RORA: variants seen among roughly 807,000 people sequenced by gnomAD.
The protein encoded by RORA is nuclear receptor ROR-alpha.
In RORA, 7 loss-of-function variants were observed where a neutral mutation model predicts 69.5. The observed-to-expected ratio is 0.10, with a 90% confidence interval of 0.06 to 0.19. RORA has a LOEUF of 0.19. Among genes scored for constraint, RORA ranks in the 10% least tolerant of loss-of-function variants. RORA has a pLI of 1.00. For missense variants in RORA, 457 were observed against 663.0 expected, an observed-to-expected ratio of 0.69 and a Z score of 3.41; for synonymous variants, 261 against 240.8, an observed-to-expected ratio of 1.08 and a Z score of -0.78.
intron 3 of RORA, among the ~76,000 whole-genome samples, chr15:60,516,117 ATATAT>A (rs1378837875): frequency 2.7e-5 from 2 of 74,032 alleles, no homozygotes; most frequent in African/African-American, 5.2e-5. Flanking sequence ...ATTATATTAT[ATATAT>A]TATATTAAAT....
chr15:60,866,152 C>T (rs1229410009), intron 1 of RORA, among the ~76,000 whole-genome samples: 1 of 152,134 alleles, frequency 6.6e-6, no homozygotes, highest in Non-Finnish European at 1.5e-5. Flanking sequence ...CCTATTCCTT[C>T]TATCTAACTG....
chr15:61,197,591 T>C (rs1159036042), intron 1 of RORA, among the ~76,000 whole-genome samples: 1 of 152,180 alleles, frequency 6.6e-6, no homozygotes, highest in Non-Finnish European at 1.5e-5. Context: ...ACTCTGTAGG[T>C]AACCTCTCAT....
intron 1 of RORA, among the ~76,000 whole-genome samples, chr15:60,947,019 G>A (rs995574639): frequency 2.2e-5 from 3 of 136,030 alleles, no homozygotes; most frequent in Non-Finnish European, 3.3e-5. Context: ...AGGGAGGTGG[G>A]GGGCCAGCCC....
intron 1 of RORA, among the ~76,000 whole-genome samples, chr15:60,780,153 TC>T (rs1371388212): frequency 6.6e-6 from 1 of 152,184 alleles, no homozygotes; most frequent in Non-Finnish European, 1.5e-5. Context: ...GAATTTTCTT[TC>T]TTTTTTGCCA....
rs144131644 is a variant in RORA, at chr15:60,526,108, C to T, written c.282+5658G>A. ...TAGAAAGAGCAGGCGGCCTCATTCACGAAAGTTAGCTGGTCCAGCCCTATA... is the reference window on the plus strand; with the variant it reads ...TAGAAAGAGCAGGCGGCCTCATTCATGAAAGTTAGCTGGTCCAGCCCTATA... On this transcript the variant is annotated intron_variant, in intron 3 of 10. Transcript: ENST00000335670. Among the ~76,000 whole-genome samples, 660 of 152,246 alleles carry T rather than the reference C, an allele frequency of 4.3e-3. 4 individuals are homozygous for T. The highest frequency in any genetic ancestry group is 0.015 in the African/African-American group (630 of 41,526).
At chr15:60,664,009 G>A (rs999402700) in intron 2 of RORA, among the ~76,000 whole-genome samples, 1 of 152,162 alleles carries the variant, frequency 6.6e-6, no homozygotes, top group African/African-American at 2.4e-5. Context: ...TGGTCATTTT[G>A]TTCATTAGAA....
chr15:60,827,322 G>T (rs767048952), intron 1 of RORA, among the ~76,000 whole-genome samples: 1 of 152,178 alleles, frequency 6.6e-6, no homozygotes, highest in Non-Finnish European at 1.5e-5. Flanking sequence ...CAAACAATGC[G>T]TTAGCTCGTG....
chr15:60,980,657 G>A (rs1269251913), intron 1 of RORA, among the ~76,000 whole-genome samples: 2 of 151,984 alleles, frequency 1.3e-5, no homozygotes, highest in Admixed American at 6.5e-5. Context: ...TATCCAGTTT[G>A]CTGGTATATA....
intron 1 of RORA, among the ~76,000 whole-genome samples, chr15:60,978,265 T>C (rs1893935140): frequency 6.6e-6 from 1 of 152,244 alleles, no homozygotes; most frequent in East Asian, 1.9e-4. Context: ...ATAATTTTCA[T>C]GTGTTCTTTC....
At chr15:61,054,911 C>T (rs764421725) in intron 1 of RORA, among the ~76,000 whole-genome samples, 10 of 151,390 alleles carry the variant, frequency 6.6e-5, no homozygotes, top group African/African-American at 1.5e-4. Flanking sequence ...ATCACGGCTC[C>T]GTGTAGCTTC....
At chr15:60,500,880 A>G (rs2065310754) in intron 9 of RORA, 79 bp downstream of exon 9, 2 of 764,212 alleles carry the variant, frequency 2.6e-6, no homozygotes, top group Admixed American at 2.4e-5. Context: ...TTTTATAGCT[A>G]TTAAACGTAT....
chr15:60,766,431 C>T (rs1049651518), intron 1 of RORA, among the ~76,000 whole-genome samples: 1 of 152,144 alleles, frequency 6.6e-6, no homozygotes, highest in East Asian at 1.9e-4. Context: ...GTTTGAAATG[C>T]CTCAGCCTCA....
rs2080145387 is a variant in RORA at position 61,226,415 on chromosome 15, T to C, written c.166+2638A>G. On this transcript the variant is annotated intron_variant, in intron 1 of 10. Coordinates refer to ENST00000335670, the MANE Select transcript of RORA (RefSeq NM_134261.3). The surrounding 1 kb of genome is among the most constrained non-coding windows in gnomAD (Gnocchi z 4.2). ...ATCACCTAGTGTGTAGGTTAATTTC[T>C]TTCCGATATTGTAATTTATGCAACA... Among the ~76,000 whole-genome samples, 2 of 152,222 alleles carry C rather than the reference T, an allele frequency of 1.3e-5. No individual in the cohort carries two copies. The highest frequency in any genetic ancestry group is 2.9e-5 in the Non-Finnish European group (2 of 68,036).
intron 2 of RORA, among the ~76,000 whole-genome samples, chr15:60,553,667 G>A (rs1474208908): frequency 1.3e-5 from 2 of 152,134 alleles, no homozygotes; most frequent in African/African-American, 4.8e-5. Flanking sequence ...TATAGGCAGG[G>A]CATACATTTC....
At chr15:60,757,202 C>T (rs1360345458) in intron 1 of RORA, among the ~76,000 whole-genome samples, 1 of 152,136 alleles carries the variant, frequency 6.6e-6, no homozygotes, top group African/African-American at 2.4e-5. Flanking sequence ...ACCATCTTTG[C>T]ACCTTCTCTA....
chr15:60,846,409 C>T (rs1196771027), intron 1 of RORA, among the ~76,000 whole-genome samples: 1 of 152,204 alleles, frequency 6.6e-6, no homozygotes, highest in African/African-American at 2.4e-5. Context: ...TGCTTCTCCT[C>T]CACACTATCA....
chr15:61,030,051 A>C (rs1425541667), intron 1 of RORA, among the ~76,000 whole-genome samples: 1 of 152,196 alleles, frequency 6.6e-6, no homozygotes, highest in Non-Finnish European at 1.5e-5. Context: ...TTGGAATCTC[A>C]TCATAAGACA....
intron 2 of RORA, among the ~76,000 whole-genome samples, chr15:60,638,763 A>C (rs1220699816): frequency 6.6e-6 from 1 of 152,166 alleles, no homozygotes; most frequent in Non-Finnish European, 1.5e-5. Context: ...CGACTGATAC[A>C]TCTTGCATGT....
rs1208480913 is a variant in RORA, at chr15:60,859,651, C to CTTTTTTTT, written c.167-180966_167-180965insAAAAAAAA. On this transcript the variant is annotated intron_variant, in intron 1 of 10. Transcript: ENST00000335670. Reference sequence around the variant, plus strand: ...GTTTTTTTTCTTTCTTTCTTTCTTTCTTTCTTTTTTTTTTTTTTTTAGAGA... The same window carrying CTTTTTTTT: ...GTTTTTTTTCTTTCTTTCTTTCTTTCTTTTTTTTTTTCTTTTTTTTTTTTTTTTAGAGA... 6.2e-5 allele frequency among the ~76,000 whole-genome samples: 6 copies of CTTTTTTTT among 96,458 alleles called. 1 individual carries two copies. Among genetic ancestry groups the CTTTTTTTT allele is most frequent in the Admixed American group, 2.6e-4 (2 of 7,782 alleles). 63.3% of individuals were successfully genotyped at this position (96,458 alleles called of 152,430 possible).
Sources: allele counts gnomAD v4.1 joint callset (sites outside exome capture counted in the v4.1 genomes callset), GRCh38; gene constraint gnomAD v4.1.1; non-coding constraint Gnocchi (gnomAD v3.1); transcripts MANE v1.5; gene names NCBI Gene and HGNC (gene_info 2026-07-23, HGNC 2026-07-21).